SCML4: variants seen among roughly 807,000 people sequenced by gnomAD.
SCML4 encodes Scm polycomb group protein like 4.
SCML4 carries 34 observed loss-of-function variants against 41.1 expected under a neutral mutation model. That is an observed-to-expected ratio of 0.83 (90% CI 0.63 to 1.10). SCML4 has a LOEUF of 1.10. SCML4 is among the 50% of genes least tolerant of loss of function. SCML4 has a pLI of 0.00. For synonymous variants in SCML4, 214 were observed against 220.9 expected (o/e 0.97, Z 0.28); for missense variants, 522 against 534.1 (o/e 0.98, Z 0.22).
At chr6:107,819,253 T>C (rs924081358) in intron 1 of SCML4, among the ~76,000 whole-genome samples, 1 of 47,878 alleles carries the variant, frequency 2.1e-5, no homozygotes, top group Non-Finnish European at 6.1e-5. Context: ...TGAGTATTCA[T>C]CTTTATGGGA....
At chr6:107,798,783 T>C (rs1322762725) in intron 1 of SCML4, among the ~76,000 whole-genome samples, 4 of 152,120 alleles carry the variant, frequency 2.6e-5, no homozygotes, top group African/African-American at 9.6e-5. Flanking sequence ...CATTTTAGTA[T>C]GCTGAGCTTT....
chr6:107,829,638 CG>C, the SCML4 span, among the ~76,000 whole-genome samples: 1 of 152,000 alleles, frequency 6.6e-6, no homozygotes, highest in African/African-American at 2.4e-5. Context: ...CTAATGCGTG[CG>C]GGGCTTAAAA....
chr6:107,781,301 C>T (rs537565483), intron 1 of SCML4, among the ~76,000 whole-genome samples: 9 of 152,206 alleles, frequency 5.9e-5, no homozygotes, highest in African/African-American at 1.9e-4. Flanking sequence ...GACCCAGGAA[C>T]AAAAAGACTG....
intron 1 of SCML4, among the ~76,000 whole-genome samples, chr6:107,778,174 C>T (rs1680397713): frequency 7.9e-6 from 1 of 126,542 alleles, no homozygotes; most frequent in Non-Finnish European, 1.6e-5. Context: ...GCCTGGACAA[C>T]AGAGTGAGCG....
chr6:107,752,960 G>T (rs1365498576), intron 2 of SCML4, among the ~76,000 whole-genome samples: 1 of 152,132 alleles, frequency 6.6e-6, no homozygotes, highest in Non-Finnish European at 1.5e-5. Context: ...TTGGAAAAAT[G>T]GAAAGAGAGG....
At chr6:107,778,225 ATATATATATATATAT>A (rs1781182933) in intron 1 of SCML4, among the ~76,000 whole-genome samples, 17 of 6,340 alleles carry the variant, frequency 2.7e-3, no homozygotes, top group South Asian at 0.018. Context: ...AAAAAAAAAT[ATATATATATATATAT>A]ATATATATAT....
chr6:107,780,672 A>C (rs1781413231), intron 1 of SCML4, among the ~76,000 whole-genome samples: 1 of 151,768 alleles, frequency 6.6e-6, no homozygotes, highest in Non-Finnish European at 1.5e-5. Context: ...TCGTCACTGC[A>C]CTCCAGCCTA....
intron 3 of SCML4, 26 bp downstream of exon 3, chr6:107,749,658 C>A: frequency 6.2e-7 from 1 of 1,612,904 alleles, no homozygotes; most frequent in Non-Finnish European, 8.5e-7. Flanking sequence ...ACCATCACAG[C>A]CTTGGAGTTC....
intron 6 of SCML4, chr6:107,720,089 T>G: frequency 1.0e-6 from 1 of 985,466 alleles, no homozygotes; most frequent in Non-Finnish European, 1.2e-6. Context: ...TGTATTTGTA[T>G]CCTGAAGGTG....
intron 7 of SCML4, 31 bp downstream of exon 7, chr6:107,707,835 C>A (rs1292026686): frequency 1.9e-6 from 3 of 1,551,544 alleles, no homozygotes; most frequent in Non-Finnish European, 2.6e-6. Flanking sequence ...TCCCTCAATC[C>A]CCCCCAAGGT....
In SCML4 at chr6:107,731,352, G is replaced by A. The variant is rs28646145; in HGVS notation, c.683-10359C>T. Reference sequence around the variant, plus strand: ...GGATTCACTAACCAAATGAAGTCCTGAAACACAACAATTCCACTATGCAAA... The same window carrying A: ...GGATTCACTAACCAAATGAAGTCCTAAAACACAACAATTCCACTATGCAAA... On this transcript the variant is annotated intron_variant, in intron 5 of 7. Coordinates refer to ENST00000369020, the MANE Select transcript of SCML4 (RefSeq NM_198081.5). Among the ~76,000 whole-genome samples, 434 of 152,308 alleles carry A rather than the reference G, an allele frequency of 2.8e-3. 3 individuals are homozygous for A. Among genetic ancestry groups the A allele is most frequent in the Non-Finnish European group, 5.2e-3 (355 of 68,034 alleles).
chr6:107,740,755 A>G (rs1777524449), intron 5 of SCML4, among the ~76,000 whole-genome samples: 1 of 152,262 alleles, frequency 6.6e-6, no homozygotes, highest in Non-Finnish European at 1.5e-5. Context: ...ATGCAAGTGC[A>G]GGTGAGAGAT....
chr6:107,766,228 G>A (rs150035823), intron 2 of SCML4, among the ~76,000 whole-genome samples: 1,890 of 152,190 alleles, frequency 0.012, 45 homozygotes, highest in African/African-American at 0.044. Flanking sequence ...AAATTAGCCG[G>A]GCGTGGTGGT....
intron 6 of SCML4, among the ~76,000 whole-genome samples, chr6:107,716,275 C>A (rs1350611602): frequency 6.6e-6 from 1 of 152,140 alleles, no homozygotes; most frequent in African/African-American, 2.4e-5. Context: ...TCTCTTAGAA[C>A]CTTGAAAGCC....
Position 107,802,662 on chromosome 6 carries a change from TCCCTCTCCCTCCTCTCCCTCTCCCTCC to T in SCML4, c.-60+21437_-60+21463del, listed in dbSNP as rs779669642. Among the ~76,000 whole-genome samples, 70 of 38,082 alleles carry T rather than the reference TCCCTCTCCCTCCTCTCCCTCTCCCTCC, an allele frequency of 1.8e-3. 2 individuals carry two copies. The highest frequency in any genetic ancestry group is 7.3e-3 in the Admixed American group (23 of 3,142). 25.0% of individuals were successfully genotyped at this position (38,082 alleles called of 152,430 possible). A position where few individuals can be genotyped will look rare whatever the true frequency, so the allele number is the denominator to read the frequency against. Reference sequence around the variant, plus strand: ...AAGAAAATTGGAAAGGCTCCTCCTCTCCCTCTCCCTCCTCTCCCTCTCCCTCCCCCTCCTCTCCCTCTCCCTCCTCTC... The same window carrying T: ...AAGAAAATTGGAAAGGCTCCTCCTCTCCCTCCTCTCCCTCTCCCTCCTCTC... On this transcript the variant is annotated intron_variant, in intron 1 of 7. Coordinates refer to ENST00000369020, the MANE Select transcript of SCML4 (RefSeq NM_198081.5).
intron 1 of SCML4, among the ~76,000 whole-genome samples, chr6:107,813,778 C>T (rs888269298): frequency 6.6e-6 from 1 of 152,188 alleles, no homozygotes; most frequent in Non-Finnish European, 1.5e-5. Flanking sequence ...GTCAGGAATT[C>T]AGAGAGGCTT....
intron 5 of SCML4, among the ~76,000 whole-genome samples, chr6:107,731,008 G>T (rs1397424247): frequency 6.6e-6 from 1 of 152,178 alleles, no homozygotes; most frequent in African/African-American, 2.4e-5. Context: ...CTGCATCCAT[G>T]GCTTCCAGGA....
chr6:107,782,356 G>A (rs985441487), intron 1 of SCML4, among the ~76,000 whole-genome samples: 3 of 151,558 alleles, frequency 2.0e-5, no homozygotes, highest in South Asian at 2.1e-4. Flanking sequence ...GCTTGTTGGG[G>A]CTGCTCCTTA....
At chr6:107,755,677 A>C in intron 2 of SCML4, 2 of 1,281,356 alleles carry the variant, frequency 1.6e-6, no homozygotes, top group Non-Finnish European at 2.0e-6. Flanking sequence ...AAAAAAAAAA[A>C]AAAAGCTGTC....
Sources: gnomAD v4.1 joint callset for allele counts (sites outside exome capture counted in the v4.1 genomes callset) on GRCh38, gnomAD v4.1.1 for gene constraint, MANE v1.5 for transcripts, NCBI Gene and HGNC (gene_info 2026-07-23, HGNC 2026-07-21) for gene names.